Variants in B3GALNT2 observed in about 807,000 individuals in gnomAD.
B3GALNT2 encodes the protein UDP-GalNAc:beta-1,3-N-acetylgalactosaminyltransferase 2.
In B3GALNT2, 53 loss-of-function variants were observed where a neutral mutation model predicts 61.1. That is an observed-to-expected ratio of 0.87 (90% confidence interval 0.70 to 1.09). The LOEUF is 1.09. Among genes scored for constraint, B3GALNT2 ranks in the 50% least tolerant of loss-of-function variants. The pLI is 0.00. For synonymous variants in B3GALNT2, 223 were observed against 237.4 expected (o/e 0.94, Z 0.56); for missense variants, 544 against 623.0 (o/e 0.87, Z 1.35).
chr1:235,485,999 G>A (rs888268172), intron 3 of B3GALNT2, among the ~76,000 whole-genome samples: 3 of 152,164 alleles, frequency 2.0e-5, no homozygotes, highest in Non-Finnish European at 2.9e-5. Context: ...GCTGAGGCAC[G>A]AGAATTGCTT....
rs17604547 is a variant in B3GALNT2, at chr1:235,470,642, T to G, written c.762+208A>C. Reference sequence around the variant, plus strand: ...AAATGCATCAATCTTAAAGCAAAACTGTAAACTCACTAATGCTGGAGTTAC... The same window carrying G: ...AAATGCATCAATCTTAAAGCAAAACGGTAAACTCACTAATGCTGGAGTTAC... On this transcript the variant is annotated intron_variant, in intron 6 of 11. Coordinates refer to ENST00000366600, the MANE Select transcript of B3GALNT2 (RefSeq NM_152490.5). Among the ~76,000 whole-genome samples the G allele has an allele frequency of 6.7e-3, 1,020 of 151,800 alleles. 5 individuals carry two copies. Among genetic ancestry groups the G allele is most frequent in the Non-Finnish European group, 0.012 (800 of 67,942 alleles).
At position 235,458,686 on chromosome 1, in the gene B3GALNT2, G is replaced by A. The variant is rs779946004; in HGVS notation, c.942C>T (p.Ser314=). 4 of 1,613,188 alleles carry A rather than the reference G, an allele frequency of 2.5e-6. No individual in the cohort carries two copies. The highest frequency in any genetic ancestry group is 1.3e-5 in the African/African-American group (1 of 74,884). ...CAAAAACAATATCATCATAGATGCT[G>A]CTTTCCTCCTTCAGTAAGGCATCTT... is the stretch of plus-strand genomic sequence containing the variant. The part of the protein sequence containing the change: ...HEEDALLKEE[S]SIYDDIVFVD... The change falls in exon 8 of 12, where the codon AGC becomes AGT. Residue 314 remains serine (S), a synonymous_variant. Coordinates refer to ENST00000366600, the MANE Select transcript of B3GALNT2 (RefSeq NM_152490.5).
In B3GALNT2 at chr1:235,449,005, C is replaced by CAGT; in HGVS notation, c.*1200_*1201insACT. On this transcript the variant is annotated 3_prime_UTR_variant, in exon 12 of 12. Coordinates refer to ENST00000366600, the MANE Select transcript of B3GALNT2 (RefSeq NM_152490.5). ...TCTTATTTCATATTTATTTTTACAG[C>CAGT]TCATCACTGCATTTCATGATAAGAT... The CAGT allele has an allele frequency of 1.2e-5, 5 of 422,636 alleles. No individual in the cohort carries two copies. The highest frequency in any genetic ancestry group is 1.1e-4 in the South Asian group (5 of 45,854). The allele number at this position is 422,636 out of a possible 1,614,324, so 26.2% of individuals were successfully genotyped here.
chr1:235,472,450 G>C (rs1455849750), intron 5 of B3GALNT2, among the ~76,000 whole-genome samples: 2 of 151,884 alleles, frequency 1.3e-5, no homozygotes. Context: ...ATGTCCTCCA[G>C]AAGGCTCCAA....
Position 235,455,785 on chromosome 1 carries a change from A to T in B3GALNT2, c.1026-101T>A, listed in dbSNP as rs1011204582. Reference sequence around the variant, plus strand: ...TTCATTCAAAACTGTACCTGTCATTATCTAAATTTCTTATTCCTCAAATGT... The same window carrying T: ...TTCATTCAAAACTGTACCTGTCATTTTCTAAATTTCTTATTCCTCAAATGT... On this transcript the variant is annotated intron_variant, in intron 8 of 11. Transcript: ENST00000366600. The T allele has an allele frequency of 5.9e-6, 8 of 1,348,678 alleles. No individual in the cohort carries two copies. The African/African-American group carries it at 1.2e-4, about 20-fold the overall frequency. 83.5% of individuals were successfully genotyped at this position (1,348,678 alleles called of 1,614,324 possible). A position where few individuals can be genotyped will look rare whatever the true frequency, so the allele number is the denominator to read the frequency against.
chr1:235,448,438 A>AAAGT lies in B3GALNT2; in HGVS notation c.*1764_*1767dup. On this transcript the variant is annotated 3_prime_UTR_variant, in exon 12 of 12. Coordinates refer to ENST00000366600, the MANE Select transcript of B3GALNT2 (RefSeq NM_152490.5). ...CCTTCTGTTGTCCTATGAAAGTCCC[A>AAAGT]AAGTAAGTTGCCCAGCAAAATACAA... 1.7e-5 allele frequency: 27 copies of AAAGT among 1,614,048 alleles called. No individual in the cohort carries two copies. Among genetic ancestry groups the AAAGT allele is most frequent in the Admixed American group, 3.3e-5 (2 of 60,016 alleles).
chr1:235,460,777 T>C (rs1409939832), intron 7 of B3GALNT2, among the ~76,000 whole-genome samples: 1 of 152,164 alleles, frequency 6.6e-6, no homozygotes, highest in Non-Finnish European at 1.5e-5. Flanking sequence ...TCTCGCTATG[T>C]TGTCCAGGCT....
In B3GALNT2 at chr1:235,449,982, CCAA is replaced by C; in HGVS notation, c.*221_*223del. ...AACTTGGTATTTTTCTGATAATCTT[CCAA>C]TAGATAAATAAAAACTTTTCTTATG... On this transcript the variant is annotated 3_prime_UTR_variant, in exon 12 of 12. Coordinates refer to ENST00000366600, the MANE Select transcript of B3GALNT2 (RefSeq NM_152490.5). The C allele has an allele frequency of 2.5e-6, 1 of 401,396 alleles. No individual in the cohort carries two copies. Among genetic ancestry groups the C allele is most frequent in the Admixed American group, 4.1e-5 (1 of 24,506 alleles). The allele number at this position is 401,396 out of a possible 1,614,324, so 24.9% of individuals were successfully genotyped here.
intron 5 of B3GALNT2, among the ~76,000 whole-genome samples, chr1:235,475,876 C>T (rs1478222092): frequency 6.6e-6 from 1 of 151,994 alleles, no homozygotes; most frequent in Non-Finnish European, 1.5e-5. Flanking sequence ...TGAATAGGGA[C>T]TGGGTTTCAT....
chr1:235,443,190 A>ATATTG (rs1682019044), downstream of B3GALNT2, among the ~76,000 whole-genome samples: 1 of 150,056 alleles, frequency 6.7e-6, no homozygotes, highest in Admixed American at 6.8e-5. Context: ...ACACACATAT[A>ATATTG]TATATACACA....
rs1428728440 is a variant in B3GALNT2, at chr1:235,450,253, T to C, written c.1456A>G (p.Lys486Glu). The change falls in exon 12 of 12, where the codon AAA (lysine) becomes GAA (glutamate). Residue 486 changes from lysine to glutamate, a missense_variant. Physicochemically the swap from Lys to Glu is moderately conservative, Grantham distance 56. Coordinates refer to ENST00000366600, the MANE Select transcript of B3GALNT2 (RefSeq NM_152490.5). ...GGATCACCGCACCGTTCCTTCAGTT[T>C]CCACAGTTCCGTCAGTTCCCACGGA... ...YSPWELTELW[K>E]LKERCGDPCR... The C allele has an allele frequency of 3.7e-6, 6 of 1,614,054 alleles. No homozygotes were observed. The highest frequency in any genetic ancestry group is 5.1e-6 in the Non-Finnish European group (6 of 1,180,014).
intron 8 of B3GALNT2, among the ~76,000 whole-genome samples, chr1:235,457,218 G>C (rs138408439): frequency 0.012 from 1,782 of 152,214 alleles, 13 homozygotes; most frequent in Middle Eastern, 0.044. Flanking sequence ...AACTGTATCC[G>C]TAAAGTACTG....
chr1:235,484,084 TTCTAA>T (rs1684682376), intron 4 of B3GALNT2, among the ~76,000 whole-genome samples: 1 of 152,166 alleles, frequency 6.6e-6, no homozygotes, highest in Non-Finnish European at 1.5e-5. Flanking sequence ...GGTTGGAGAT[TTCTAA>T]TCTAGTCAAC....
At chr1:235,492,099 A>C (rs970550971) in intron 2 of B3GALNT2, among the ~76,000 whole-genome samples, 16 of 152,238 alleles carry the variant, frequency 1.1e-4, no homozygotes, top group Non-Finnish European at 2.2e-4. Flanking sequence ...ATTTGCTTAC[A>C]GAAGTACTTA....
At chr1:235,494,135 AAATTT>A (rs1190439437) in intron 2 of B3GALNT2, among the ~76,000 whole-genome samples, 1 of 152,244 alleles carries the variant, frequency 6.6e-6, no homozygotes, top group Non-Finnish European at 1.5e-5. Flanking sequence ...GAAAAAAATT[AAATTT>A]ATCTCTGTGA....
chr1:235,458,819 T>C lies in B3GALNT2; in HGVS notation c.842-33A>G, dbSNP rs374761339. On this transcript the variant is annotated intron_variant, in intron 7 of 11. Coordinates refer to ENST00000366600, the MANE Select transcript of B3GALNT2 (RefSeq NM_152490.5). ...GGAAAAGTTGAGAGTTGGAGAAAAA[T>C]GCTGTTGTAAAGTTACCATTCAGAA... 4.8e-5 allele frequency: 74 copies of C among 1,535,536 alleles called. No individual in the cohort carries two copies. In the African/African-American group the frequency reaches 9.9e-4, roughly 20 times the overall value.
At chr1:235,502,046 CTT>C (rs1436876907) in intron 1 of B3GALNT2, among the ~76,000 whole-genome samples, 5 of 152,168 alleles carry the variant, frequency 3.3e-5, no homozygotes, top group Non-Finnish European at 7.4e-5. Flanking sequence ...GACTTTCGCT[CTT>C]GTCACCCAGG....
chr1:235,473,328 A>G (rs566238838), intron 5 of B3GALNT2, among the ~76,000 whole-genome samples: 15 of 152,348 alleles, frequency 9.8e-5, no homozygotes, highest in Admixed American at 7.8e-4. Context: ...GTATTCAGCT[A>G]ATGTATTTTC....
intron 2 of B3GALNT2, among the ~76,000 whole-genome samples, chr1:235,489,535 A>G (rs142508175): frequency 6.6e-6 from 1 of 152,378 alleles, no homozygotes; most frequent in Non-Finnish European, 1.5e-5. Context: ...AAATGTTCAT[A>G]TCATTTAAAA....
Sources: allele counts gnomAD v4.1 joint callset (sites outside exome capture counted in the v4.1 genomes callset), GRCh38; gene constraint gnomAD v4.1.1; transcripts MANE v1.5; gene names NCBI Gene and HGNC (gene_info 2026-07-23, HGNC 2026-07-21).